The following OC90 variants were observed in gnomAD, a reference collection of about 807,000 sequenced individuals.
OC90 encodes otoconin-90.
In OC90, 46 loss-of-function variants were observed where a neutral mutation model predicts 47.3. That is an observed-to-expected ratio of 0.97 (90% CI 0.77 to 1.24). OC90 has a LOEUF of 1.24. Among genes scored for constraint, OC90 ranks in the 50% most tolerant of loss-of-function variants. The probability of loss-of-function intolerance (pLI) is 0.00; values close to 1 mark genes in which losing one functional copy is unlikely to be tolerated. For synonymous variants in OC90, 271 were observed against 219.5 expected, an observed-to-expected ratio of 1.23 and a Z score of -2.07; for missense variants, 688 against 583.9, an observed-to-expected ratio of 1.18 and a Z score of -1.84.
chr8:132,026,546 G>A (rs76236949), intron 13 of OC90, among the ~76,000 whole-genome samples: 59 of 152,302 alleles, frequency 3.9e-4, no homozygotes, highest in Non-Finnish European at 7.6e-4. Context: ...TCTTATGATA[G>A]CACAGGCCAG....
chr8:132,043,943 A>G (rs946891762), intron 4 of OC90, among the ~76,000 whole-genome samples: 1 of 152,172 alleles, frequency 6.6e-6, no homozygotes, highest in East Asian at 1.9e-4. Flanking sequence ...GATGATAGGA[A>G]CCATCATAGT....
Position 132,044,508 on chromosome 8 carries a change from A to T in OC90, c.113-19T>A, listed in dbSNP as rs1454457679. Reference sequence around the variant, plus strand: ...GTGATATCTAAGTGTAAGAAAGAAAACAAATGAGAGTCTTGGTTTTTCCTT... The same window carrying T: ...GTGATATCTAAGTGTAAGAAAGAAATCAAATGAGAGTCTTGGTTTTTCCTT... On this transcript the variant is annotated intron_variant, in intron 3 of 13. Coordinates refer to ENST00000254627, the MANE Select transcript of OC90 (RefSeq NM_001080399.3). The T allele has an allele frequency of 7.0e-7, 1 of 1,429,774 alleles. No homozygotes were observed. The highest frequency in any genetic ancestry group is 1.9e-5 in the Admixed American group (1 of 51,740). 88.6% of individuals were successfully genotyped at this position (1,429,774 alleles called of 1,614,324 possible).
At chr8:132,034,033 G>A (rs575651301) in intron 10 of OC90, among the ~76,000 whole-genome samples, 1 of 152,294 alleles carries the variant, frequency 6.6e-6, no homozygotes, top group East Asian at 1.9e-4. Flanking sequence ...AAGCCCTGTT[G>A]TAATCTCAGT....
chr8:132,046,375 T>C (rs1823133720), intron 2 of OC90, among the ~76,000 whole-genome samples: 1 of 152,350 alleles, frequency 6.6e-6, no homozygotes, highest in Middle Eastern at 3.4e-3. Context: ...TCAAGTTTGA[T>C]TCAGCCAGTC....
At chr8:132,041,380 A>G (rs1823050239) in intron 5 of OC90, 145 bp downstream of exon 5, 5 of 699,518 alleles carry the variant, frequency 7.1e-6, no homozygotes, top group Non-Finnish European at 1.2e-5. Flanking sequence ...AAGATGAGTC[A>G]CCCAACTAGT....
chr8:132,039,983 G>T (rs2130857739), intron 6 of OC90, among the ~76,000 whole-genome samples: 1 of 152,272 alleles, frequency 6.6e-6, no homozygotes, highest in Non-Finnish European at 1.5e-5. Flanking sequence ...GATAGCTTCA[G>T]TGTCTGACAA....
intron 1 of OC90, among the ~76,000 whole-genome samples, chr8:132,059,034 C>T (rs915088063): frequency 1.3e-4 from 20 of 151,806 alleles, no homozygotes; most frequent in African/African-American, 4.6e-4. Flanking sequence ...CTCTCCCTTC[C>T]TCCCTCTTTC....
intron 6 of OC90, among the ~76,000 whole-genome samples, 185 bp from the exon 7 acceptor site, chr8:132,039,308 C>T (rs928571983): frequency 6.6e-6 from 1 of 152,044 alleles, no homozygotes; most frequent in Non-Finnish European, 1.5e-5. Context: ...TCCATACCCA[C>T]TCCTCTTCTC....
intron 2 of OC90, among the ~76,000 whole-genome samples, chr8:132,053,549 C>T (rs1823244724): frequency 6.6e-6 from 1 of 152,108 alleles, no homozygotes. Context: ...TCTATTGGTG[C>T]TTTAGAATGG....
rs775066233 is a variant in OC90 at position 132,031,959 on chromosome 8, C to T, written c.953G>A (p.Arg318Gln). 1.1e-5 allele frequency: 17 copies of T among 1,614,016 alleles called. No individual in the cohort carries two copies. The East Asian group carries it at 2.2e-4, about 21-fold the overall frequency. ...ATAAGACTCAAATTCCTCCGGGCAC[C>T]GGGATGTCAGACAAAAGAGCATCTC... ...LGEMLFCLTS[R>Q]CPEEFESYGC... Residue 318 changes from arginine (R) to glutamine (Q), a missense_variant, in exon 12 of 14, where the codon CGG becomes CAG. By Grantham distance (43) the Arg-to-Gln change is conservative. Transcript: ENST00000254627.
Position 132,039,534 on chromosome 8 carries a change from C to T in OC90, c.458-411G>A, listed in dbSNP as rs114650263. Among the ~76,000 whole-genome samples the T allele has an allele frequency of 8.2e-3, 1,243 of 152,252 alleles. 18 individuals carry two copies. The highest frequency in any genetic ancestry group is 0.029 in the African/African-American group (1,187 of 41,540). On this transcript the variant is annotated intron_variant, in intron 6 of 13. Coordinates refer to ENST00000254627, the MANE Select transcript of OC90 (RefSeq NM_001080399.3). The stretch of plus-strand genomic sequence containing the variant: ...AATCCTTTAGAAATTCAGGTCCAAC[C>T]ATGCCTTTATTCTGTTCAGAACGTC...
chr8:132,034,959 C>T, intron 9 of OC90, 125 bp from the exon 10 acceptor site: 1 of 650,860 alleles, frequency 1.5e-6, no homozygotes, highest in South Asian at 2.0e-5. Flanking sequence ...CCCTGGCCCA[C>T]TTCCCACCAT....
Position 132,044,458 on chromosome 8 carries a change from ATT to A in OC90, c.142_143del (p.Asn48CysfsTer6). ...NITFFSGMFK[N>X]VESVAEIFDC... ...CAAAAATTTCAGCCACACTTTCCAC[ATT>A]TTTAAACATCCCACTGAAGAAAGTG... On this transcript the variant is annotated frameshift_variant, in exon 4 of 14. Transcript: ENST00000254627. LOFTEE classifies it high-confidence loss of function. 1 of 1,558,096 alleles carries A rather than the reference ATT, an allele frequency of 6.4e-7. No homozygotes were observed. The highest frequency in any genetic ancestry group is 8.7e-7 in the Non-Finnish European group (1 of 1,144,440).
chr8:132,034,607 T>C (rs1000710698), intron 10 of OC90, among the ~76,000 whole-genome samples, 174 bp downstream of exon 10: 2 of 152,220 alleles, frequency 1.3e-5, no homozygotes, highest in African/African-American at 2.4e-5. Flanking sequence ...TCACCCTCCC[T>C]GGACCAGCTG....
At chr8:132,051,484 ACAAATG>A (rs1456660548) in intron 2 of OC90, among the ~76,000 whole-genome samples, 2 of 152,240 alleles carry the variant, frequency 1.3e-5, no homozygotes, top group Non-Finnish European at 2.9e-5. Context: ...TTAGAGCACA[ACAAATG>A]TGAATCCACA....
intron 2 of OC90, among the ~76,000 whole-genome samples, chr8:132,052,830 A>G (rs1387311287): frequency 6.6e-6 from 1 of 152,212 alleles, no homozygotes; most frequent in Non-Finnish European, 1.5e-5. Flanking sequence ...TCTTCTCCTC[A>G]GTATTGCAAG....
In OC90 at chr8:132,041,641, C is replaced by T. The variant is rs1465818183; in HGVS notation, c.228G>A (p.Leu76=). The T allele has an allele frequency of 6.2e-7, 1 of 1,610,906 alleles. No individual in the cohort carries two copies. ...ACTTCATACCATTGACAAACTGGAT[C>T]AGCACAGGGAAATTGGTGAAGACAG... ...LQAVFTNFPV[L]IQFVNGMKCV... is the part of the protein sequence containing the mutation. Residue 76 remains leucine, a synonymous_variant, in exon 5 of 14, where the codon CTG becomes CTA. Coordinates refer to ENST00000254627, the MANE Select transcript of OC90 (RefSeq NM_001080399.3).
intron 8 of OC90, among the ~76,000 whole-genome samples, chr8:132,038,323 T>C (rs529253258): frequency 2.0e-5 from 3 of 152,252 alleles, no homozygotes; most frequent in East Asian, 1.9e-4. Flanking sequence ...GGCTGCCCCT[T>C]TTGCTGCAGG....
At chr8:132,029,750 C>T (rs1386960675) in intron 12 of OC90, among the ~76,000 whole-genome samples, 1 of 152,160 alleles carries the variant, frequency 6.6e-6, no homozygotes, top group African/African-American at 2.4e-5. Flanking sequence ...GAAAATGAGT[C>T]AATGTCTTCT....
Sources: gnomAD v4.1 joint callset for allele counts (sites outside exome capture counted in the v4.1 genomes callset) on GRCh38, gnomAD v4.1.1 for gene constraint, MANE v1.5 for transcripts, NCBI Gene and HGNC (gene_info 2026-07-23, HGNC 2026-07-21) for gene names.